TRIM37: variants seen among roughly 807,000 people sequenced by gnomAD.
The protein encoded by TRIM37 is tripartite motif containing 37, also known as E3 ubiquitin-protein ligase TRIM37.
A neutral mutation model predicts 129.8 loss-of-function variants in TRIM37; 80 were observed. The observed-to-expected ratio is 0.62, with a 90% CI of 0.51 to 0.74. The LOEUF is 0.74. Among genes scored for constraint, TRIM37 ranks in the 30% least tolerant of loss-of-function variants. TRIM37 has a pLI of 0.00. For missense variants in TRIM37, 1,054 were observed against 1,176.5 expected (o/e 0.90, Z 1.52); for synonymous variants, 389 against 387.1 (o/e 1.00, Z -0.06).
At position 59,106,553 on chromosome 17, in the gene TRIM37, C is replaced by T. The variant is rs1421724360; in HGVS notation, c.-92G>A. 1 of 1,519,524 alleles carries T rather than the reference C, an allele frequency of 6.6e-7. No homozygotes were observed. The highest frequency in any genetic ancestry group is 1.2e-5 in the South Asian group (1 of 86,120). 94.1% of individuals were successfully genotyped at this position (1,519,524 alleles called of 1,614,324 possible). A position where few individuals can be genotyped will look rare whatever the true frequency, so the allele number is the denominator to read the frequency against. On this transcript the variant is annotated 5_prime_UTR_variant, in exon 1 of 24. Transcript: ENST00000262294. The stretch of plus-strand genomic sequence containing the variant: ...GCCCGAGGTCGCCAGATCAAATCGC[C>T]GATAAAAGCCCGGCGCCCACGTCAG...
intron 23 of TRIM37, among the ~76,000 whole-genome samples, chr17:59,001,208 A>G (rs904564800): frequency 3.3e-5 from 5 of 151,526 alleles, no homozygotes; most frequent in Admixed American, 1.3e-4. Context: ...GCAAAAAAAA[A>G]AAAAAAGAAA....
At chr17:59,062,504 T>A (rs150044399) in intron 11 of TRIM37, 63 bp downstream of exon 11, 35 of 1,312,028 alleles carry the variant, frequency 2.7e-5, no homozygotes, top group Non-Finnish European at 3.7e-5. Context: ...CAAATTAGTA[T>A]ACTACAGAAC....
At chr17:59,102,146 C>G (rs1176534965) in intron 2 of TRIM37, among the ~76,000 whole-genome samples, 1 of 152,054 alleles carries the variant, frequency 6.6e-6, no homozygotes, top group Non-Finnish European at 1.5e-5. Context: ...GCCATACACA[C>G]AGAGATGATA....
At chr17:59,086,238 ATT>A (rs370069781) in intron 4 of TRIM37, among the ~76,000 whole-genome samples, 3 of 142,270 alleles carry the variant, frequency 2.1e-5, no homozygotes, top group Admixed American at 7.1e-5. Context: ...TACTCTTGCA[ATT>A]TTTTTTTTTT....
intron 13 of TRIM37, among the ~76,000 whole-genome samples, chr17:59,055,623 G>A (rs937204234): frequency 7.3e-5 from 11 of 150,902 alleles, no homozygotes; most frequent in Middle Eastern, 3.2e-3. Context: ...GTGTGAACCC[G>A]GGAGGCAGAG....
At chr17:59,016,335 G>A (rs1286129122) in intron 20 of TRIM37, among the ~76,000 whole-genome samples, 3 of 148,996 alleles carry the variant, frequency 2.0e-5, no homozygotes, top group Non-Finnish European at 3.0e-5. Context: ...CGGAGGTTGC[G>A]GTGAGCCGAG....
chr17:59,063,473 C>CT (rs1302691476), intron 10 of TRIM37, among the ~76,000 whole-genome samples: 1 of 152,188 alleles, frequency 6.6e-6, no homozygotes, highest in East Asian at 1.9e-4. Flanking sequence ...CCACCATGCC[C>CT]TGCCCAGTGT....
chr17:59,045,146 G>A (rs1176477698), intron 16 of TRIM37, among the ~76,000 whole-genome samples: 1 of 152,008 alleles, frequency 6.6e-6, no homozygotes, highest in Non-Finnish European at 1.5e-5. Context: ...CTAACACGGT[G>A]AAACCCCATC....
intron 17 of TRIM37, among the ~76,000 whole-genome samples, chr17:59,038,911 G>C (rs1435277033): frequency 6.6e-6 from 1 of 152,130 alleles, no homozygotes; most frequent in African/African-American, 2.4e-5. Flanking sequence ...ACTGCCAGAT[G>C]CTGACTGACT....
the TRIM37 span, among the ~76,000 whole-genome samples, chr17:58,973,808 T>C: frequency 1.3e-5 from 2 of 151,822 alleles, no homozygotes; most frequent in Non-Finnish European, 2.9e-5. Context: ...AAAAATTAGC[T>C]GGGTGTTGTG....
chr17:58,970,191 C>T, the TRIM37 span, among the ~76,000 whole-genome samples: 1 of 152,148 alleles, frequency 6.6e-6, no homozygotes, highest in East Asian at 1.9e-4. Context: ...AGGGAAAATT[C>T]GCTTGGAGAG....
the TRIM37 span, among the ~76,000 whole-genome samples, chr17:58,973,779 C>T: frequency 2.6e-5 from 4 of 151,820 alleles, no homozygotes; most frequent in Admixed American, 2.0e-4. Flanking sequence ...GATGAATCCC[C>T]GTCTCTACTA....
In TRIM37 at chr17:59,071,883, AC is replaced by A. The variant is rs1473319932; in HGVS notation, c.685-937del. Among the ~76,000 whole-genome samples, 21 of 152,360 alleles carry A rather than the reference AC, an allele frequency of 1.4e-4. No homozygotes were observed. The East Asian group carries it at 4.0e-3, about 29-fold the overall frequency. On this transcript the variant is annotated intron_variant, in intron 8 of 23. Coordinates refer to ENST00000262294, the MANE Select transcript of TRIM37 (RefSeq NM_015294.6). ...ATACAAAACTAAAATAGTAATATCC[AC>A]CACTGCTTACTTCGTGAAGTTTGTT...
At chr17:58,969,873 G>T in the TRIM37 span, 1 of 771,622 alleles carries the variant, frequency 1.3e-6, no homozygotes, top group East Asian at 2.7e-5. Flanking sequence ...GGATTCTGTT[G>T]TAGTTCCAAT....
At chr17:59,074,129 T>C (rs1056386483) in intron 8 of TRIM37, among the ~76,000 whole-genome samples, 1 of 152,250 alleles carries the variant, frequency 6.6e-6, no homozygotes, top group Non-Finnish European at 1.5e-5. Flanking sequence ...AACACATGAT[T>C]AATGCTTTGT....
At chr17:59,060,891 C>T in intron 12 of TRIM37, 141 bp downstream of exon 12, 2 of 638,280 alleles carry the variant, frequency 3.1e-6, no homozygotes, top group Non-Finnish European at 5.5e-6. Context: ...AAAATACCAT[C>T]CTATGATGCC....
intron 13 of TRIM37, 30 bp from the exon 14 acceptor site, chr17:59,051,358 A>T (rs1357093074): frequency 6.7e-7 from 1 of 1,483,514 alleles, no homozygotes; most frequent in Non-Finnish European, 9.4e-7. Context: ...ATTAAAAAAA[A>T]AATTCAAATA....
At chr17:59,010,784 C>T (rs140091303) in intron 22 of TRIM37, among the ~76,000 whole-genome samples, 1,840 of 152,142 alleles carry the variant, frequency 0.012, 16 homozygotes, top group Middle Eastern at 0.041. Flanking sequence ...TGAGCCACTG[C>T]GCTTGGTGGA....
At chr17:59,061,206 G>T in intron 11 of TRIM37, 98 bp from the exon 12 acceptor site, 1 of 916,026 alleles carries the variant, frequency 1.1e-6, no homozygotes, top group Non-Finnish European at 1.8e-6. Flanking sequence ...GTACTTCTAA[G>T]CCTCAAAGCA....
Sources: gnomAD v4.1 joint callset for allele counts (sites outside exome capture counted in the v4.1 genomes callset) on GRCh38, gnomAD v4.1.1 for gene constraint, MANE v1.5 for transcripts, NCBI Gene and HGNC (gene_info 2026-07-23, HGNC 2026-07-21) for gene names.